Variants in PFKL observed in about 807,000 individuals in gnomAD.
PFKL encodes phosphofructokinase, liver type.
A neutral mutation model predicts 92.1 loss-of-function variants in PFKL; 74 were observed. The ratio of observed to expected loss-of-function variants is 0.80; its 90% CI spans 0.67 to 0.97. The LOEUF is 0.97. Among genes scored for constraint, PFKL ranks in the 50% least tolerant of loss-of-function variants. PFKL has a pLI of 0.00. For synonymous variants in PFKL, 494 were observed against 456.4 expected (o/e 1.08, Z -1.05); for missense variants, 1,028 against 1,116.6 (o/e 0.92, Z 1.13).
chr21:44,317,354 ACT>A (rs1051341967), intron 9 of PFKL, among the ~76,000 whole-genome samples: 19 of 152,030 alleles, frequency 1.2e-4, no homozygotes, highest in African/African-American at 4.6e-4. Flanking sequence ...GACGAGGGCC[ACT>A]CTATAGAGGG....
At position 44,324,586 on chromosome 21, in the gene PFKL, G is replaced by A; in HGVS notation, c.1746G>A (p.Val582=). The change falls in exon 17 of 22, where the codon GTG becomes GTA. Residue 582 remains valine (V), a synonymous_variant. Transcript: ENST00000349048. ...GTTACTGTGGCTACCTGGCCACCGT[G>A]ACTGGCATTGCTGTGGGGGCCGACG... ...MGGYCGYLAT[V]TGIAVGADAA... is the part of the protein sequence containing the mutation. 1 of 1,612,958 alleles carries A rather than the reference G, an allele frequency of 6.2e-7. No individual in the cohort carries two copies. Among genetic ancestry groups the A allele is most frequent in the East Asian group, 2.2e-5 (1 of 44,872 alleles).
chr21:44,311,281 C>T (rs887293545), intron 3 of PFKL, among the ~76,000 whole-genome samples, 198 bp downstream of exon 3: 1 of 149,942 alleles, frequency 6.7e-6, no homozygotes, highest in Admixed American at 6.6e-5. Flanking sequence ...GACCCGTGCA[C>T]GGACACACAG....
rs754076659 is a variant in PFKL at position 44,311,099 on chromosome 21, G to A, written c.237+16G>A. ...CATCCAGCTGGTGAGGCCTGGGAACGCGGATGCATGTTGCACTTGGACTCG... is the reference window on the plus strand; with the variant it reads ...CATCCAGCTGGTGAGGCCTGGGAACACGGATGCATGTTGCACTTGGACTCG... On this transcript the variant is annotated intron_variant, in intron 3 of 21. Coordinates refer to ENST00000349048, the MANE Select transcript of PFKL (RefSeq NM_002626.6). 6.2e-6 allele frequency: 10 copies of A among 1,605,404 alleles called. No homozygotes were observed. Among genetic ancestry groups the A allele is most frequent in the South Asian group, 1.1e-5 (1 of 90,624 alleles).
chr21:44,316,273 C>T lies in PFKL; in HGVS notation c.777C>T (p.Ile259=), dbSNP rs1476552246. 6.2e-7 allele frequency: 1 copy of T among 1,613,224 alleles called. No individual in the cohort carries two copies. The highest frequency in any genetic ancestry group is 1.1e-5 in the South Asian group (1 of 91,090). ...ETRSRGSRLN[I]IIIAEGAIDR... ...GGAGCCGTGGGTCCCGACTGAACAT[C>T]ATCATCATCGCTGAGGGTGCCATTG... Residue 259 remains isoleucine (I), a synonymous_variant, in exon 8 of 22, where the codon ATC becomes ATT. Coordinates refer to ENST00000349048, the MANE Select transcript of PFKL (RefSeq NM_002626.6).
chr21:44,308,142 T>C (rs2041005553), intron 2 of PFKL, among the ~76,000 whole-genome samples: 1 of 151,694 alleles, frequency 6.6e-6, no homozygotes. Flanking sequence ...ATGAAGTGGG[T>C]GGGCGCGGGT....
In PFKL at chr21:44,319,506, C is replaced by T. The variant is rs2047304543; in HGVS notation, c.1127+91C>T. 4 of 1,082,426 alleles carry T rather than the reference C, an allele frequency of 3.7e-6. No individual in the cohort carries two copies. The South Asian group carries it at 5.0e-5, about 14-fold the overall frequency. The allele number at this position is 1,082,426 out of a possible 1,614,324, so 67.1% of individuals were successfully genotyped here. ...TGCAGTGGCGCTATGCACGCCTGGC[C>T]TGGGTCATCCTTCTAGGCACCGCGT... On this transcript the variant is annotated intron_variant, in intron 11 of 21. Transcript: ENST00000349048.
At chr21:44,304,748 C>T (rs534667371) in intron 1 of PFKL, among the ~76,000 whole-genome samples, 1 of 75,592 alleles carries the variant, frequency 1.3e-5, no homozygotes, top group East Asian at 3.4e-4. Flanking sequence ...GCTCGGCTGT[C>T]TGGGGGGCTC....
intron 9 of PFKL, among the ~76,000 whole-genome samples, chr21:44,317,147 T>C (rs890651442): frequency 5.9e-5 from 9 of 152,194 alleles, no homozygotes; most frequent in African/African-American, 1.9e-4. Flanking sequence ...ATGGAGTGGG[T>C]CTGGGGCCAG....
rs530271064 is a variant in PFKL at position 44,311,235 on chromosome 21, C to T, written c.237+152C>T. On this transcript the variant is annotated intron_variant, in intron 3 of 21. Transcript: ENST00000349048. ...AGACATGCACACAGACGCACACACACACAGATGTGCACACACACAGATGCG... is the reference window on the plus strand; with the variant it reads ...AGACATGCACACAGACGCACACACATACAGATGTGCACACACACAGATGCG... The T allele has an allele frequency of 2.1e-5, 13 of 630,702 alleles. No homozygotes were observed. The East Asian group carries it at 3.7e-4, about 18-fold the overall frequency. 39.1% of individuals were successfully genotyped at this position (630,702 alleles called of 1,614,324 possible). A position where few individuals can be genotyped will look rare whatever the true frequency, so the allele number is the denominator to read the frequency against.
chr21:44,316,742 TGTGTGGGTGTGTGTCA>T (rs756048970), intron 9 of PFKL, among the ~76,000 whole-genome samples: 31 of 151,678 alleles, frequency 2.0e-4, no homozygotes, highest in Admixed American at 3.3e-4. Flanking sequence ...TGTGGCAGTG[TGTGTGGGTGTGTGTCA>T]GTGTGGGTGT....
chr21:44,317,499 G>T (rs1306071982), intron 9 of PFKL, among the ~76,000 whole-genome samples: 7 of 152,214 alleles, frequency 4.6e-5, no homozygotes, highest in Admixed American at 4.6e-4. Context: ...TGCTGAGCCT[G>T]GGGTGATGGA....
At chr21:44,322,782 G>A (rs972447603) in intron 14 of PFKL, among the ~76,000 whole-genome samples, 180 bp from the exon 15 acceptor site, 1 of 152,182 alleles carries the variant, frequency 6.6e-6, no homozygotes, top group Non-Finnish European at 1.5e-5. Context: ...GTGCCCAGGC[G>A]GCTCACGCTG....
At position 44,319,757 on chromosome 21, in the gene PFKL, C is replaced by T. The variant is rs374907571; in HGVS notation, c.1128-327C>T. The T allele has an allele frequency of 1.1e-4, 59 of 516,238 alleles. 2 individuals are homozygous for T. Among genetic ancestry groups the T allele is most frequent in the South Asian group, 5.6e-4 (23 of 41,150 alleles). The allele number at this position is 516,238 out of a possible 1,614,324, so 32.0% of individuals were successfully genotyped here. On this transcript the variant is annotated intron_variant, in intron 11 of 21. Transcript: ENST00000349048. ...GGTGTGGGTACCACCCCCCTGCAGG[C>T]GTCCTGGCGGCCGGGTCAGGCTGGA...
intron 13 of PFKL, 76 bp from the exon 14 acceptor site, chr21:44,322,057 C>T (rs971766945): frequency 4.0e-5 from 60 of 1,508,736 alleles, no homozygotes; most frequent in South Asian, 3.2e-4. Context: ...GGCTGGCCCC[C>T]GGGCACAGGC....
chr21:44,316,764 GGTGT>G (rs1338334038), intron 9 of PFKL, among the ~76,000 whole-genome samples: 1 of 151,914 alleles, frequency 6.6e-6, no homozygotes, highest in Non-Finnish European at 1.5e-5. Context: ...TGTCAGTGTG[GGTGT>G]GTGTGGGTGT....
chr21:44,304,588 G>A (rs2040874687), intron 1 of PFKL: 8 of 1,040,566 alleles, frequency 7.7e-6, no homozygotes, highest in South Asian at 2.1e-5. Context: ...GGGACAGGGC[G>A]CTGCACTCAC....
chr21:44,323,473 T>A (rs2047412151), intron 15 of PFKL, among the ~76,000 whole-genome samples: 2 of 152,080 alleles, frequency 1.3e-5, no homozygotes, highest in Non-Finnish European at 2.9e-5. Context: ...AAATAATGAA[T>A]AAATGACAGC....
intron 2 of PFKL, among the ~76,000 whole-genome samples, chr21:44,307,081 A>G (rs920783994): frequency 1.4e-5 from 2 of 148,076 alleles, no homozygotes; most frequent in Admixed American, 1.3e-4. Flanking sequence ...CACCCACCAC[A>G]CCCCTGCCTG....
intron 9 of PFKL, 24 bp from the exon 10 acceptor site, chr21:44,318,446 G>T (rs776497624): frequency 8.1e-6 from 12 of 1,477,584 alleles, no homozygotes; most frequent in Non-Finnish European, 1.1e-5. Context: ...AAGTGGGTGT[G>T]CCAGCCTGAA....
Sources: gnomAD v4.1 joint callset for allele counts (sites outside exome capture counted in the v4.1 genomes callset) on GRCh38, gnomAD v4.1.1 for gene constraint, MANE v1.5 for transcripts, NCBI Gene and HGNC (gene_info 2026-07-23, HGNC 2026-07-21) for gene names.